Variants in TRAPPC9 observed in about 807,000 individuals in gnomAD.
TRAPPC9 encodes trafficking protein particle complex subunit 9.
In TRAPPC9, 83 loss-of-function variants were observed where a neutral mutation model predicts 124.0. The observed-to-expected ratio is 0.67, with a 90% confidence interval of 0.56 to 0.80. TRAPPC9 has a LOEUF of 0.80. Ranked by LOEUF, TRAPPC9 falls within the 30% of genes least tolerant of loss-of-function variation. The pLI is 0.00. For missense variants in TRAPPC9, 1,302 were observed against 1,508.3 expected (o/e 0.86, Z 2.27); for synonymous variants, 638 against 617.5 (o/e 1.03, Z -0.49).
chr8:139,980,130 A>G (rs1394648630), intron 19 of TRAPPC9, among the ~76,000 whole-genome samples: 1 of 151,548 alleles, frequency 6.6e-6, no homozygotes, highest in East Asian at 1.9e-4. Context: ...ATGCCCCCCC[A>G]GACTTCTCTA....
chr8:140,432,586 C>T (rs1349908702), intron 4 of TRAPPC9, among the ~76,000 whole-genome samples: 4 of 152,174 alleles, frequency 2.6e-5, no homozygotes, highest in South Asian at 2.1e-4. Flanking sequence ...ATAAAAGTCA[C>T]GTCTGGCCGG....
intron 15 of TRAPPC9, among the ~76,000 whole-genome samples, chr8:140,255,553 C>T (rs554591840): frequency 1.3e-5 from 2 of 152,268 alleles, no homozygotes; most frequent in Admixed American, 6.5e-5. Context: ...TCAACTTTAA[C>T]GACAGTCTGA....
At chr8:139,845,766 G>A (rs1224796210) in intron 21 of TRAPPC9, among the ~76,000 whole-genome samples, 3 of 152,212 alleles carry the variant, frequency 2.0e-5, no homozygotes, top group East Asian at 1.9e-4. Context: ...TTAATGTGAC[G>A]GAGACCTGTG....
intron 21 of TRAPPC9, among the ~76,000 whole-genome samples, chr8:139,830,712 T>TAC (rs754948073): frequency 4.2e-4 from 63 of 151,664 alleles, no homozygotes; most frequent in East Asian, 1.2e-3. Context: ...CACATGCAAA[T>TAC]ACACACACAC....
chr8:139,923,403 A>G (rs918954015), intron 19 of TRAPPC9, among the ~76,000 whole-genome samples: 1 of 152,188 alleles, frequency 6.6e-6, no homozygotes, highest in African/African-American at 2.4e-5. Context: ...CCATCTGAAC[A>G]CATGGGAGCT....
intron 9 of TRAPPC9, among the ~76,000 whole-genome samples, chr8:140,349,361 GGGCGCGC>G (rs1483142918): frequency 0.058 from 5,059 of 86,656 alleles, 286 homozygotes; most frequent in Middle Eastern, 0.15. Flanking sequence ...CGCGAGGGAA[GGGCGCGC>G]GAGGGAAGGG....
At chr8:140,172,116 G>A (rs2061978606) in intron 17 of TRAPPC9, among the ~76,000 whole-genome samples, 1 of 152,174 alleles carries the variant, frequency 6.6e-6, no homozygotes, top group Non-Finnish European at 1.5e-5. Flanking sequence ...CCACACAAAG[G>A]AAGAACTGTC....
chr8:140,200,489 G>A (rs888906580), intron 17 of TRAPPC9, among the ~76,000 whole-genome samples: 1 of 152,138 alleles, frequency 6.6e-6, no homozygotes, highest in African/African-American at 2.4e-5. Flanking sequence ...TGGCAAACAC[G>A]ACCCCGGCCA....
At chr8:140,456,407 G>A (rs772988851) in intron 1 of TRAPPC9, among the ~76,000 whole-genome samples, 2 of 118,382 alleles carry the variant, frequency 1.7e-5, no homozygotes, top group East Asian at 2.4e-4. Context: ...GCGAGACTCC[G>A]TCTCAAAAAA....
chr8:140,095,787 G>A (rs1444098218), intron 17 of TRAPPC9: 1 of 152,236 alleles, frequency 6.6e-6, no homozygotes, highest in African/African-American at 2.4e-5. Context: ...TATGGAGAAG[G>A]TTCTAATTCA....
chr8:139,798,624 G>C (rs1402445161), intron 21 of TRAPPC9, among the ~76,000 whole-genome samples: 1 of 152,208 alleles, frequency 6.6e-6, no homozygotes, highest in Non-Finnish European at 1.5e-5. Flanking sequence ...TTTGAAAGAG[G>C]TCAGCTCTGT....
intron 5 of TRAPPC9, among the ~76,000 whole-genome samples, chr8:140,423,455 T>A (rs1011324861): frequency 6.6e-6 from 1 of 151,690 alleles, no homozygotes; most frequent in African/African-American, 2.4e-5. Flanking sequence ...AACAAATAAA[T>A]AAATAAATCA....
intron 17 of TRAPPC9, among the ~76,000 whole-genome samples, chr8:140,181,211 A>G (rs2062194357): frequency 6.6e-6 from 1 of 151,768 alleles, no homozygotes; most frequent in East Asian, 1.9e-4. Context: ...TAACTCCTCA[A>G]CTCTGTGTTT....
At chr8:139,967,912 G>A (rs1835809638) in intron 19 of TRAPPC9, among the ~76,000 whole-genome samples, 1 of 152,100 alleles carries the variant, frequency 6.6e-6, no homozygotes, top group Admixed American at 6.5e-5. Flanking sequence ...GCCGAGGCGG[G>A]CGGACTGCCT....
At chr8:140,123,660 T>C (rs145974793) in intron 17 of TRAPPC9, among the ~76,000 whole-genome samples, 20 of 152,354 alleles carry the variant, frequency 1.3e-4, no homozygotes, top group Admixed American at 7.2e-4. Flanking sequence ...CATCAAAAAT[T>C]ATAGTTGCAT....
In TRAPPC9 at chr8:140,279,686, C is replaced by G. The variant is rs551923076; in HGVS notation, c.2115-3865G>C. On this transcript the variant is annotated intron_variant, in intron 14 of 22. Coordinates refer to ENST00000438773, the MANE Select transcript of TRAPPC9 (RefSeq NM_001160372.4). ...AGCAGGTACCAGAGCATGCACGCACCCCCGTCACAGTGCATCCGCAGGACA... is the reference window on the plus strand; with the variant it reads ...AGCAGGTACCAGAGCATGCACGCACGCCCGTCACAGTGCATCCGCAGGACA... Among the ~76,000 whole-genome samples, 937 of 152,150 alleles carry G rather than the reference C, an allele frequency of 6.2e-3. 7 individuals are homozygous for G. Among genetic ancestry groups the G allele is most frequent in the Non-Finnish European group, 0.01 (692 of 67,984 alleles).
rs954571451 is a variant in TRAPPC9 at position 140,042,632 on chromosome 8, G to A, written c.2557-18553C>T. Among the ~76,000 whole-genome samples, 6 of 152,166 alleles carry A rather than the reference G, an allele frequency of 3.9e-5. No individual in the cohort carries two copies. The East Asian group carries it at 7.7e-4, about 20-fold the overall frequency. On this transcript the variant is annotated intron_variant, in intron 17 of 22. Transcript: ENST00000438773. ...TCCTTCACCTACGCTTGCTCTCCAC[G>A]GCCCTGTGGAGTGTCCGGGACCGCC...
At position 140,088,970 on chromosome 8, in the gene TRAPPC9, G is replaced by A. The variant is rs116116036; in HGVS notation, c.2557-64891C>T. Among the ~76,000 whole-genome samples the A allele has an allele frequency of 3.9e-3, 599 of 152,274 alleles. 2 individuals are homozygous for A. Among genetic ancestry groups the A allele is most frequent in the African/African-American group, 0.014 (572 of 41,552 alleles). ...TGAAGGTTTCTCTAACATTAATAAC[G>A]TCGATTTCTGGGTAGTAAGGTTTGG... On this transcript the variant is annotated intron_variant, in intron 17 of 22. Coordinates refer to ENST00000438773, the MANE Select transcript of TRAPPC9 (RefSeq NM_001160372.4).
intron 15 of TRAPPC9, among the ~76,000 whole-genome samples, chr8:140,260,934 T>C (rs559344068): frequency 1.3e-5 from 2 of 152,268 alleles, no homozygotes; most frequent in East Asian, 3.9e-4. Context: ...TTTGAAAAGA[T>C]ATGGCAGAAA....
Sources: gnomAD v4.1 joint callset for allele counts (sites outside exome capture counted in the v4.1 genomes callset) on GRCh38, gnomAD v4.1.1 for gene constraint, MANE v1.5 for transcripts, NCBI Gene and HGNC (gene_info 2026-07-23, HGNC 2026-07-21) for gene names.